Variants in CDC42BPA observed in about 807,000 individuals in gnomAD.
CDC42BPA encodes the protein CDC42 binding protein kinase alpha.
In CDC42BPA, 80 loss-of-function variants were observed where a neutral mutation model predicts 223.5. The ratio of observed to expected loss-of-function variants is 0.36; its 90% CI spans 0.30 to 0.43. CDC42BPA has a LOEUF of 0.43. Ranked by LOEUF, CDC42BPA falls within the 20% of genes least tolerant of loss-of-function variation. The pLI is 1.00. For synonymous variants in CDC42BPA, 694 were observed against 718.6 expected (o/e 0.97, Z 0.55); for missense variants, 1,743 against 2,099.9 (o/e 0.83, Z 3.32).
intron 11 of CDC42BPA, among the ~76,000 whole-genome samples, chr1:227,122,313 G>A (rs1309014177): frequency 1.3e-5 from 2 of 152,074 alleles, no homozygotes; most frequent in Non-Finnish European, 2.9e-5. Flanking sequence ...CTTCTGAAGT[G>A]TTCTTCTCTA....
chr1:227,068,953 T>C (rs751061440), intron 21 of CDC42BPA: 5 of 155,314 alleles, frequency 3.2e-5, no homozygotes, highest in Admixed American at 6.5e-5. Flanking sequence ...CAAAATGTAA[T>C]AAAATGAAGC....
At chr1:227,263,812 C>A (rs1684520658) in intron 1 of CDC42BPA, among the ~76,000 whole-genome samples, 1 of 152,018 alleles carries the variant, frequency 6.6e-6, no homozygotes, top group African/African-American at 2.4e-5. Flanking sequence ...GAACTCCTGA[C>A]CTCAGGTGAT....
chr1:227,229,918 T>C (rs1194657433), intron 2 of CDC42BPA, among the ~76,000 whole-genome samples: 2 of 152,230 alleles, frequency 1.3e-5, no homozygotes, highest in African/African-American at 4.8e-5. Flanking sequence ...TGTGTCTGGG[T>C]GTAATTTTCA....
chr1:227,275,600 CCT>C (rs1686811266), intron 1 of CDC42BPA, among the ~76,000 whole-genome samples: 1 of 151,502 alleles, frequency 6.6e-6, no homozygotes, highest in Non-Finnish European at 1.5e-5. Flanking sequence ...TCCCCCTCCC[CCT>C]CTCCCCCTCC....
intron 1 of CDC42BPA, among the ~76,000 whole-genome samples, chr1:227,283,589 A>G (rs1411016404): frequency 6.6e-6 from 1 of 152,194 alleles, no homozygotes; most frequent in Non-Finnish European, 1.5e-5. Flanking sequence ...ATATGGAGAT[A>G]AAAATGGAGG....
chr1:227,179,746 A>T (rs1178045745), intron 5 of CDC42BPA, among the ~76,000 whole-genome samples: 1 of 148,136 alleles, frequency 6.8e-6, no homozygotes, highest in Non-Finnish European at 1.5e-5. Context: ...TTATACAAAA[A>T]GGTAGACATC....
chr1:227,167,589 T>C (rs534609203), intron 5 of CDC42BPA, among the ~76,000 whole-genome samples: 5 of 152,326 alleles, frequency 3.3e-5, no homozygotes, highest in Non-Finnish European at 5.9e-5. Context: ...CCTTTCTTAA[T>C]ATGCAGCTCT....
intron 10 of CDC42BPA, among the ~76,000 whole-genome samples, chr1:227,133,028 C>T (rs1332975088): frequency 1.3e-5 from 2 of 151,472 alleles, no homozygotes; most frequent in Admixed American, 6.6e-5. Flanking sequence ...CCACCCCGTC[C>T]GGGAGGGAGG....
intron 23 of CDC42BPA, among the ~76,000 whole-genome samples, chr1:227,045,271 A>G (rs1035671641): frequency 2.6e-5 from 4 of 152,212 alleles, no homozygotes; most frequent in African/African-American, 9.6e-5. Context: ...GGGAATCAAA[A>G]ATTCTAGCTT....
chr1:227,139,742 A>G lies in CDC42BPA; in HGVS notation c.1224T>C (p.Cys408=), dbSNP rs1261966479. Residue 408 remains cysteine, a splice_region_variant and synonymous_variant, in exon 10 of 37, where the codon TGT becomes TGC. Coordinates refer to ENST00000366766, the MANE Select transcript of CDC42BPA (RefSeq NM_001394014.1). ...TTAAACAGCTCCGATCAGAAAGTAC[A>G]CTGAAGAAAAGAAAAAAAAATGTAG... is the stretch of plus-strand genomic sequence containing the variant. The part of the protein sequence containing the change: ...PFVGFTYTSS[C]VLSDRSCLRV... The G allele has an allele frequency of 2.6e-6, 4 of 1,510,022 alleles. No homozygotes were observed. The highest frequency in any genetic ancestry group is 3.5e-6 in the Non-Finnish European group (4 of 1,134,902). 93.5% of individuals were successfully genotyped at this position (1,510,022 alleles called of 1,614,324 possible). A position where few individuals can be genotyped will look rare whatever the true frequency, so the allele number is the denominator to read the frequency against.
At chr1:227,150,117 G>A (rs924747952) in intron 6 of CDC42BPA, among the ~76,000 whole-genome samples, 6 of 151,792 alleles carry the variant, frequency 4.0e-5, no homozygotes, top group East Asian at 1.9e-4. Context: ...CCAGCAACTC[G>A]GGAGGCTGAG....
At chr1:227,223,076 C>T (rs1052003009) in intron 2 of CDC42BPA, among the ~76,000 whole-genome samples, 6 of 152,154 alleles carry the variant, frequency 3.9e-5, no homozygotes, top group Admixed American at 3.3e-4. Context: ...TCCTTGACCC[C>T]AAAGTGGGAG....
At chr1:227,007,996 G>C (rs560890297) in intron 34 of CDC42BPA, among the ~76,000 whole-genome samples, 36 of 152,146 alleles carry the variant, frequency 2.4e-4, no homozygotes, top group Non-Finnish European at 2.1e-4. Flanking sequence ...TCAGCTTTTG[G>C]GCTGACAGTT....
chr1:227,212,105 T>A (rs866793422), intron 3 of CDC42BPA, among the ~76,000 whole-genome samples: 2 of 146,772 alleles, frequency 1.4e-5, no homozygotes, highest in African/African-American at 5.0e-5. Context: ...TTTTTTAGTT[T>A]AAAAAAAAAA....
chr1:227,288,002 G>A (rs113415332), intron 1 of CDC42BPA, among the ~76,000 whole-genome samples: 1,970 of 152,184 alleles, frequency 0.013, 19 homozygotes, highest in Non-Finnish European at 0.019. Context: ...GGTTTCCTCC[G>A]GCTTTGCTCC....
chr1:227,023,119 G>A (rs11580229), intron 32 of CDC42BPA, 144 bp downstream of exon 32: 198,101 of 504,650 alleles, frequency 0.39, 41,631 homozygotes, highest in Non-Finnish European at 0.45. Flanking sequence ...GAATGTGATA[G>A]TGGCCAACAT....
At chr1:227,020,258 C>G (rs530070208) in intron 32 of CDC42BPA, among the ~76,000 whole-genome samples, 2 of 152,286 alleles carry the variant, frequency 1.3e-5, no homozygotes, top group Non-Finnish European at 1.5e-5. Context: ...CTGGCTTCAA[C>G]GTAAAGCCAC....
At chr1:227,159,737 G>C (rs994879528) in intron 6 of CDC42BPA, among the ~76,000 whole-genome samples, 4 of 151,708 alleles carry the variant, frequency 2.6e-5, no homozygotes, top group African/African-American at 9.7e-5. Flanking sequence ...TGTTGCTTAA[G>C]CTGGTCTCAA....
At chr1:227,077,592 G>C (rs563957295) in intron 17 of CDC42BPA, among the ~76,000 whole-genome samples, 2 of 151,922 alleles carry the variant, frequency 1.3e-5, no homozygotes, top group African/African-American at 2.4e-5. Context: ...CACTTCACTG[G>C]CCTTATTCAC....
Sources: gnomAD v4.1 joint callset for allele counts (sites outside exome capture counted in the v4.1 genomes callset) on GRCh38, gnomAD v4.1.1 for gene constraint, MANE v1.5 for transcripts, NCBI Gene and HGNC (gene_info 2026-07-23, HGNC 2026-07-21) for gene names.